Variants in IL7 observed in about 807,000 individuals in gnomAD.
IL7 encodes interleukin 7.
A neutral mutation model predicts 21.6 loss-of-function variants in IL7; 3 were observed. The observed-to-expected ratio is 0.14, with a 90% CI of 0.06 to 0.36. The LOEUF (loss-of-function observed/expected upper bound fraction) is 0.36, where lower values mean the gene tolerates loss of function less well. Ranked by LOEUF, IL7 falls within the 10% of genes least tolerant of loss-of-function variation. The pLI is 1.00. For missense variants in IL7, 175 were observed against 200.2 expected, an observed-to-expected ratio of 0.87 and a Z score of 0.76; for synonymous variants, 62 against 68.1, an observed-to-expected ratio of 0.91 and a Z score of 0.44.
chr8:78,759,713 C>T (rs1249741702), intron 2 of IL7, among the ~76,000 whole-genome samples: 6 of 152,136 alleles, frequency 3.9e-5, no homozygotes, highest in Non-Finnish European at 7.4e-5. Flanking sequence ...TTTTAACATA[C>T]TTAAAACTCC....
Position 78,738,505 on chromosome 8 carries a change from TG to T in IL7, c.358del (p.Gln120ArgfsTer25), listed in dbSNP as rs1213544529. 6.2e-7 allele frequency: 1 copy of T among 1,611,530 alleles called. No homozygotes were observed. Among genetic ancestry groups the T allele is most frequent in the Non-Finnish European group, 8.5e-7 (1 of 1,178,918 alleles). On this transcript the variant is annotated frameshift_variant and splice_region_variant, in exon 4 of 6. Transcript: ENST00000263851. LOFTEE classifies it high-confidence loss of function. ...CAAAGTAAATAGTCCTTAGCTTACC[TG>T]GCCAGTGCAGTTCAACAGTATTGTT... ...GTTILLNCTG[Q>X]VKGRKPAALG...
downstream of IL7, among the ~76,000 whole-genome samples, chr8:78,728,760 T>G (rs1177216615): frequency 6.6e-6 from 1 of 151,962 alleles, no homozygotes; most frequent in East Asian, 1.9e-4. Context: ...TGGCATCTAA[T>G]GGGTGCAGAC....
At chr8:78,723,834 A>C (rs1811292276) in intron 3 of IL7, 1 of 231,406 alleles carries the variant, frequency 4.3e-6, no homozygotes, top group Non-Finnish European at 9.8e-6. Flanking sequence ...CCTTGTTTCA[A>C]GAGGTCCTGC....
intron 2 of IL7, among the ~76,000 whole-genome samples, chr8:78,759,804 A>AT (rs1303947324): frequency 5.9e-5 from 9 of 152,120 alleles, no homozygotes. Context: ...TTCAAAATAT[A>AT]TTTTTTCAAA....
rs146264297 is a variant in IL7 at position 78,800,869 on chromosome 8, C to T, written c.11-2661G>A. ...GCTAGAGTGAAAGGGATACTTTTACCATTATCATAAATATTCCAAAGGTCC... is the reference window on the plus strand; with the variant it reads ...GCTAGAGTGAAAGGGATACTTTTACTATTATCATAAATATTCCAAAGGTCC... On this transcript the variant is annotated intron_variant, in intron 1 of 5. Coordinates refer to ENST00000263851, the MANE Select transcript of IL7 (RefSeq NM_000880.4). 3.8e-3 allele frequency among the ~76,000 whole-genome samples: 583 copies of T among 152,110 alleles called. 9 individuals carry two copies. The highest frequency in any genetic ancestry group is 0.014 in the African/African-American group (565 of 41,506).
intron 2 of IL7, among the ~76,000 whole-genome samples, chr8:78,766,993 C>T (rs1361323883): frequency 1.3e-5 from 2 of 151,838 alleles, no homozygotes; most frequent in Non-Finnish European, 2.9e-5. Context: ...AAAATTATGC[C>T]TCATTATAGC....
intron 3 of IL7, among the ~76,000 whole-genome samples, chr8:78,702,614 C>G (rs987503979): frequency 6.6e-6 from 1 of 152,102 alleles, no homozygotes; most frequent in African/African-American, 2.4e-5. Flanking sequence ...ATAAATTTCC[C>G]TTTTACACTG....
chr8:78,741,720 G>A (rs1433801034), intron 2 of IL7, among the ~76,000 whole-genome samples: 1 of 152,164 alleles, frequency 6.6e-6, no homozygotes, highest in Non-Finnish European at 1.5e-5. Flanking sequence ...ATGTAAATGT[G>A]TTACTATACC....
chr8:78,770,132 C>T (rs954288981), intron 2 of IL7, among the ~76,000 whole-genome samples: 2 of 152,114 alleles, frequency 1.3e-5, no homozygotes, highest in Non-Finnish European at 2.9e-5. Flanking sequence ...TGGGCAAGAG[C>T]TTCATGTCTA....
chr8:78,714,019 A>G (rs1811023789), downstream of IL7, among the ~76,000 whole-genome samples: 1 of 152,194 alleles, frequency 6.6e-6, no homozygotes, highest in Admixed American at 6.5e-5. Flanking sequence ...CTACTTTGCC[A>G]TATAAGTAGA....
intron 2 of IL7, among the ~76,000 whole-genome samples, chr8:78,745,349 G>T (rs1811944967): frequency 6.6e-6 from 1 of 152,150 alleles, no homozygotes; most frequent in South Asian, 2.1e-4. Flanking sequence ...TTCGTTTTGT[G>T]TGGTTTTTAC....
At chr8:78,755,655 A>T (rs753826648) in intron 2 of IL7, among the ~76,000 whole-genome samples, 3 of 152,034 alleles carry the variant, frequency 2.0e-5, no homozygotes, top group Non-Finnish European at 4.4e-5. Flanking sequence ...ATATAAAAAA[A>T]TGCTACTGAT....
chr8:78,689,283 A>G (rs775516268), intron 3 of IL7: 10 of 1,602,172 alleles, frequency 6.2e-6, no homozygotes, highest in Non-Finnish European at 8.5e-6. Flanking sequence ...ATAGACATAT[A>G]AATTTCTGTA....
At chr8:78,705,329 T>C (rs1810736784) in intron 3 of IL7, among the ~76,000 whole-genome samples, 1 of 152,200 alleles carries the variant, frequency 6.6e-6, no homozygotes, top group African/African-American at 2.4e-5. Flanking sequence ...TACTTTTCCA[T>C]AGGGCTGCTT....
At chr8:78,728,224 T>A (rs1200756470), downstream of IL7, among the ~76,000 whole-genome samples, 1 of 151,992 alleles carries the variant, frequency 6.6e-6, no homozygotes, top group Admixed American at 6.6e-5. Context: ...ATAGTCTCCA[T>A]TGCAATCTCT....
chr8:78,720,249 AAC>A (rs1228307461), intron 5 of IL7, among the ~76,000 whole-genome samples: 1 of 151,818 alleles, frequency 6.6e-6, no homozygotes, highest in Non-Finnish European at 1.5e-5. Context: ...AATATTAGAA[AAC>A]ACAGATAACA....
chr8:78,778,401 A>G (rs1269891087), intron 2 of IL7, among the ~76,000 whole-genome samples: 3 of 152,120 alleles, frequency 2.0e-5, no homozygotes, highest in Admixed American at 6.6e-5. Context: ...GAAGAGGGGA[A>G]TACATCATTC....
chr8:78,795,854 A>G lies in IL7; in HGVS notation c.147+2218T>C, dbSNP rs1408155066. 1.3e-5 allele frequency among the ~76,000 whole-genome samples: 2 copies of G among 152,036 alleles called. 1 individual carries two copies. Among genetic ancestry groups the G allele is most frequent in the African/African-American group, 4.8e-5 (2 of 41,436 alleles). ...GCAAAATCAGGAACCTCTGGATTAC[A>G]ATGTACAGTGTAGCACAGTATCTCT... On this transcript the variant is annotated intron_variant, in intron 2 of 5. Coordinates refer to ENST00000263851, the MANE Select transcript of IL7 (RefSeq NM_000880.4).
chr8:78,738,362 G>C, intron 4 of IL7, 142 bp downstream of exon 4: 1 of 667,232 alleles, frequency 1.5e-6, no homozygotes, highest in East Asian at 2.9e-5. Flanking sequence ...TCCTCTTCTA[G>C]GATTGAGTAA....
Sources: gnomAD v4.1 joint callset for allele counts (sites outside exome capture counted in the v4.1 genomes callset) on GRCh38, gnomAD v4.1.1 for gene constraint, MANE v1.5 for transcripts, NCBI Gene and HGNC (gene_info 2026-07-23, HGNC 2026-07-21) for gene names.